PPP1R1C: variants seen among roughly 807,000 people sequenced by gnomAD.
PPP1R1C encodes the protein protein phosphatase 1 regulatory inhibitor subunit 1C, also known as protein phosphatase 1 regulatory subunit 1C.
In PPP1R1C, 15 loss-of-function variants were observed where a neutral mutation model predicts 17.4. The ratio of observed to expected loss-of-function variants is 0.86; its 90% CI spans 0.58 to 1.33. The LOEUF is 1.33. Ranked by LOEUF, PPP1R1C falls within the 40% of genes most tolerant of loss-of-function variation. The probability of loss-of-function intolerance (pLI) is 0.00; values close to 1 mark genes in which losing one functional copy is unlikely to be tolerated. For missense variants in PPP1R1C, 143 were observed against 130.0 expected (o/e 1.10, Z -0.48); for synonymous variants, 35 against 43.1 (o/e 0.81, Z 0.73).
At chr2:182,036,717 G>A (rs887692173) in intron 2 of PPP1R1C, among the ~76,000 whole-genome samples, 5 of 152,012 alleles carry the variant, frequency 3.3e-5, no homozygotes, top group Non-Finnish European at 5.9e-5. Flanking sequence ...GTGTGTGTGT[G>A]TGTATATATA....
chr2:181,970,684 G>C (rs148547453), intron 1 of PPP1R1C, among the ~76,000 whole-genome samples: 168 of 152,272 alleles, frequency 1.1e-3, no homozygotes, highest in African/African-American at 3.9e-3. Flanking sequence ...GGCCATGGGT[G>C]GGTCCTGAGA....
rs1574423268 is a variant in PPP1R1C, at chr2:182,065,763, T to C, written c.241+1972T>C. On this transcript the variant is annotated intron_variant, in intron 4 of 4. Coordinates refer to ENST00000682840, the MANE Select transcript of PPP1R1C (RefSeq NM_001080545.3). Reference sequence around the variant, plus strand: ...AAATTCTAAAAAGAAAAAAAGAATTTGTACTCACAGATCCTTGTTCTACAT... The same window carrying C: ...AAATTCTAAAAAGAAAAAAAGAATTCGTACTCACAGATCCTTGTTCTACAT... 2.0e-5 allele frequency among the ~76,000 whole-genome samples: 3 copies of C among 152,242 alleles called. No individual in the cohort carries two copies. In the South Asian group the frequency reaches 6.2e-4, roughly 32 times the overall value.
intron 2 of PPP1R1C, among the ~76,000 whole-genome samples, chr2:182,023,026 G>A (rs181052270): frequency 3.0e-4 from 46 of 152,164 alleles, no homozygotes; most frequent in Middle Eastern, 3.4e-3. Context: ...ATAGTTTGTC[G>A]TATCAAAATA....
At chr2:182,052,130 C>T (rs1054512340) in intron 2 of PPP1R1C, among the ~76,000 whole-genome samples, 40 of 151,998 alleles carry the variant, frequency 2.6e-4, no homozygotes, top group African/African-American at 8.2e-4. Context: ...TATCAAATAC[C>T]GTTGTATCTA....
chr2:182,069,682 A>G (rs1276082926), intron 4 of PPP1R1C, among the ~76,000 whole-genome samples: 1 of 152,182 alleles, frequency 6.6e-6, no homozygotes, highest in Non-Finnish European at 1.5e-5. Context: ...CCATTTGTCA[A>G]TATGGTTCCA....
chr2:182,082,420 C>T (rs1475424172), intron 4 of PPP1R1C, among the ~76,000 whole-genome samples: 2 of 152,048 alleles, frequency 1.3e-5, no homozygotes, highest in Non-Finnish European at 2.9e-5. Flanking sequence ...AGCATGTGTG[C>T]ACGTGTCTGG....
chr2:181,956,835 A>C (rs1310768540), intron 1 of PPP1R1C, among the ~76,000 whole-genome samples: 1 of 152,250 alleles, frequency 6.6e-6, no homozygotes, highest in Non-Finnish European at 1.5e-5. Flanking sequence ...AGATTATTTT[A>C]GATACTGTAA....
intron 4 of PPP1R1C, among the ~76,000 whole-genome samples, chr2:182,094,783 C>T (rs1688884039): frequency 6.6e-6 from 1 of 152,142 alleles, no homozygotes; most frequent in Admixed American, 6.5e-5. Flanking sequence ...CTCCCACATG[C>T]TTAGTGTTCC....
chr2:181,988,028 C>A (rs1685354740), intron 2 of PPP1R1C, 129 bp downstream of exon 2: 1 of 674,582 alleles, frequency 1.5e-6, no homozygotes, highest in African/African-American at 1.9e-5. Context: ...GAAAGCTAAT[C>A]TATAAAATGG....
chr2:182,023,826 C>G (rs1686508307), intron 2 of PPP1R1C: 1 of 151,756 alleles, frequency 6.6e-6, no homozygotes, highest in East Asian at 1.9e-4. Flanking sequence ...TTGTAGAAAC[C>G]AGGTCTCACT....
chr2:182,093,282 G>C (rs1174889175), intron 4 of PPP1R1C, among the ~76,000 whole-genome samples: 1 of 152,114 alleles, frequency 6.6e-6, no homozygotes, highest in Non-Finnish European at 1.5e-5. Context: ...GGAGTAGCTG[G>C]GACCCAGGGC....
rs138862139 is a variant in PPP1R1C at position 182,035,801 on chromosome 2, C to G, written c.143-25641C>G. ...ACTGTGAGTCAATTAAACCTCTCTT[C>G]TTTATAAATTACCCAGTATCAGGTA... is the stretch of plus-strand genomic sequence containing the variant. On this transcript the variant is annotated intron_variant, in intron 2 of 4. Coordinates refer to ENST00000682840, the MANE Select transcript of PPP1R1C (RefSeq NM_001080545.3). Among the ~76,000 whole-genome samples, 305 of 152,276 alleles carry G rather than the reference C, an allele frequency of 2.0e-3. 1 individual carries two copies. Among genetic ancestry groups the G allele is most frequent in the African/African-American group, 7.0e-3 (289 of 41,562 alleles).
intron 3 of PPP1R1C, among the ~76,000 whole-genome samples, 170 bp from the exon 4 acceptor site, chr2:182,063,561 G>A (rs189185321): frequency 1.4e-3 from 219 of 152,170 alleles, no homozygotes; most frequent in African/African-American, 5.1e-3. Flanking sequence ...TTAAGTCTGT[G>A]ATATCACTAA....
chr2:182,029,469 T>C (rs898950921), intron 2 of PPP1R1C, among the ~76,000 whole-genome samples: 1 of 151,446 alleles, frequency 6.6e-6, no homozygotes, highest in African/African-American at 2.4e-5. Flanking sequence ...CCTTCACTTA[T>C]GAATCTTAGT....
chr2:182,119,556 C>T (rs1174088099), downstream of PPP1R1C, among the ~76,000 whole-genome samples: 1 of 152,200 alleles, frequency 6.6e-6, no homozygotes, highest in East Asian at 1.9e-4. Context: ...TCCACATCCT[C>T]TCCAGCACCT....
chr2:182,117,469 G>C lies in PPP1R1C; in HGVS notation c.*174G>C. ...CTCCTTGACTGAACTTTAGAACTAA[G>C]TACACATTGTTCCACATCACTTATA... On this transcript the variant is annotated 3_prime_UTR_variant, in exon 5 of 5. Transcript: ENST00000682840. 1.9e-6 allele frequency: 1 copy of C among 522,936 alleles called. No homozygotes were observed. 32.4% of individuals were successfully genotyped at this position (522,936 alleles called of 1,614,324 possible). A position where few individuals can be genotyped will look rare whatever the true frequency, so the allele number is the denominator to read the frequency against.
At chr2:182,025,074 T>A (rs1278843194) in intron 2 of PPP1R1C, among the ~76,000 whole-genome samples, 3 of 149,616 alleles carry the variant, frequency 2.0e-5, no homozygotes, top group Non-Finnish European at 4.4e-5. Context: ...TGCATAAATT[T>A]GTGCAAAAAA....
intron 2 of PPP1R1C, among the ~76,000 whole-genome samples, chr2:182,055,577 T>C (rs866825870): frequency 2.0e-5 from 3 of 152,184 alleles, no homozygotes; most frequent in Non-Finnish European, 4.4e-5. Context: ...TGGTTTCCTT[T>C]GTCTAATGGT....
intron 1 of PPP1R1C, among the ~76,000 whole-genome samples, chr2:181,987,065 A>T (rs1380036766): frequency 6.6e-6 from 1 of 152,188 alleles, no homozygotes; most frequent in Non-Finnish European, 1.5e-5. Context: ...GGCCAGATAA[A>T]TGTATCCTTG....
Sources: allele counts gnomAD v4.1 joint callset (sites outside exome capture counted in the v4.1 genomes callset), GRCh38; gene constraint gnomAD v4.1.1; transcripts MANE v1.5; gene names NCBI Gene and HGNC (gene_info 2026-07-23, HGNC 2026-07-21).